The following OPCML variants were observed in gnomAD, a reference collection of about 807,000 sequenced individuals.
OPCML encodes opioid binding protein/cell adhesion molecule like.
Under a neutral mutation model 37.8 loss-of-function variants are expected in OPCML, and 13 were observed. The observed-to-expected ratio is 0.34, with a 90% CI of 0.22 to 0.55. The LOEUF (loss-of-function observed/expected upper bound fraction) is 0.55. OPCML is among the 20% of genes least tolerant of loss of function. The pLI is 0.91. For missense variants in OPCML, 341 were observed against 435.6 expected, an observed-to-expected ratio of 0.78 and a Z score of 1.93; for synonymous variants, 176 against 168.8, an observed-to-expected ratio of 1.04 and a Z score of -0.33.
intron 1 of OPCML, among the ~76,000 whole-genome samples, chr11:133,138,506 G>C (rs1196528822): frequency 1.3e-5 from 2 of 152,106 alleles, no homozygotes; most frequent in Admixed American, 6.5e-5. Context: ...CTCTGATTTG[G>C]AGCAAATTTC....
chr11:132,747,847 A>G (rs1407685677), intron 2 of OPCML, among the ~76,000 whole-genome samples: 1 of 152,078 alleles, frequency 6.6e-6, no homozygotes, highest in Non-Finnish European at 1.5e-5. Context: ...ATACTTAGAG[A>G]TGGGGGAGCG....
At chr11:132,499,727 T>C (rs528874884) in intron 4 of OPCML, among the ~76,000 whole-genome samples, 2 of 152,300 alleles carry the variant, frequency 1.3e-5, no homozygotes, top group South Asian at 4.2e-4. Flanking sequence ...AACTATGTCA[T>C]AGAGTTGTCC....
rs191568950 is a variant in OPCML at position 132,476,203 on chromosome 11, C to T, written c.506-38844G>A. ...TATAGCTTTTCTCAGCATTAAGCCA[C>T]CTTTAAAAAAGTGCTACTTCCCTTT... On this transcript the variant is annotated intron_variant, in intron 4 of 7. Transcript: ENST00000524381. Among the ~76,000 whole-genome samples the T allele has an allele frequency of 5.9e-5, 9 of 152,292 alleles. 1 individual carries two copies. The highest frequency in any genetic ancestry group is 1.3e-4 in the Admixed American group (2 of 15,302).
Position 132,644,000 on chromosome 11 carries a change from C to T in OPCML, c.379+13087G>A, listed in dbSNP as rs192746342. 5.3e-5 allele frequency among the ~76,000 whole-genome samples: 8 copies of T among 152,260 alleles called. No homozygotes were observed. In the East Asian group the frequency reaches 7.7e-4, roughly 15 times the overall value. ...GTGGTCGTCTGATCCCAGATCATTGCGGAGTTTTTAGAAAACACTCTAAGT... is the reference window on the plus strand; with the variant it reads ...GTGGTCGTCTGATCCCAGATCATTGTGGAGTTTTTAGAAAACACTCTAAGT... On this transcript the variant is annotated intron_variant, in intron 3 of 7. Transcript: ENST00000524381.
chr11:133,501,158 C>A (rs537453116), intron 1 of OPCML, among the ~76,000 whole-genome samples: 1 of 152,260 alleles, frequency 6.6e-6, no homozygotes, highest in South Asian at 2.1e-4. Context: ...AAGGGATCAC[C>A]GCAAACAGAA....
At chr11:133,448,161 T>C (rs1318421188) in intron 1 of OPCML, among the ~76,000 whole-genome samples, 1 of 152,266 alleles carries the variant, frequency 6.6e-6, no homozygotes, top group African/African-American at 2.4e-5. Context: ...AGAAGTTTTA[T>C]AGTTTTAACT....
At chr11:132,656,630 T>C (rs1941720817) in intron 3 of OPCML, among the ~76,000 whole-genome samples, 1 of 152,156 alleles carries the variant, frequency 6.6e-6, no homozygotes, top group Non-Finnish European at 1.5e-5. Flanking sequence ...TAAACAGCAC[T>C]CAGAGACCCC....
At chr11:133,256,160 A>C (rs1941307658) in intron 1 of OPCML, among the ~76,000 whole-genome samples, 1 of 152,196 alleles carries the variant, frequency 6.6e-6, no homozygotes. Context: ...GAGCATTGTA[A>C]GTATTTTTAG....
intron 1 of OPCML, among the ~76,000 whole-genome samples, chr11:133,521,417 G>A (rs1357656567): frequency 6.6e-6 from 1 of 152,170 alleles, no homozygotes; most frequent in Non-Finnish European, 1.5e-5. Context: ...AGTGAAAGAA[G>A]AAAAGAAACA....
chr11:132,780,096 C>G (rs1946950238), intron 2 of OPCML, among the ~76,000 whole-genome samples: 1 of 152,188 alleles, frequency 6.6e-6, no homozygotes, highest in Non-Finnish European at 1.5e-5. Flanking sequence ...CCAAACCTGT[C>G]ATCACAATCC....
chr11:132,932,151 G>A (rs1339234287), intron 2 of OPCML, among the ~76,000 whole-genome samples: 1 of 152,126 alleles, frequency 6.6e-6, no homozygotes, highest in Non-Finnish European at 1.5e-5. Context: ...GAAGCTGGGG[G>A]GAGGGAAGAA....
intron 2 of OPCML, among the ~76,000 whole-genome samples, chr11:132,746,422 A>G (rs924205192): frequency 6.6e-6 from 1 of 152,036 alleles, no homozygotes; most frequent in Admixed American, 6.6e-5. Flanking sequence ...CTGTGAGGAG[A>G]CACCACTCTC....
At chr11:132,852,630 G>GAAGAA (rs758826269) in intron 2 of OPCML, among the ~76,000 whole-genome samples, 4 of 152,022 alleles carry the variant, frequency 2.6e-5, no homozygotes, top group Non-Finnish European at 5.9e-5. Context: ...AAGAGAGAGA[G>GAAGAA]AAGAAAAGAA....
chr11:132,911,651 A>G (rs1448130388), intron 2 of OPCML, among the ~76,000 whole-genome samples: 1 of 152,182 alleles, frequency 6.6e-6, no homozygotes, highest in Non-Finnish European at 1.5e-5. Flanking sequence ...ACATGCACTG[A>G]GGGGACCCTT....
At chr11:132,852,814 T>C (rs575851690) in intron 2 of OPCML, among the ~76,000 whole-genome samples, 1 of 152,042 alleles carries the variant, frequency 6.6e-6, no homozygotes, top group Non-Finnish European at 1.5e-5. Flanking sequence ...GGTGGGTGTC[T>C]ACAGGTAGGC....
intron 1 of OPCML, among the ~76,000 whole-genome samples, chr11:133,509,049 A>G (rs929791432): frequency 6.6e-6 from 1 of 152,056 alleles, no homozygotes; most frequent in Non-Finnish European, 1.5e-5. Context: ...GAAGCACTGT[A>G]TTAATCTCCA....
intron 2 of OPCML, chr11:132,860,790 C>A: frequency 6.6e-6 from 1 of 152,158 alleles, no homozygotes; most frequent in Non-Finnish European, 1.5e-5. Flanking sequence ...ACTACCACCA[C>A]CCCACATAAA....
chr11:133,252,974 C>T (rs746678017), intron 1 of OPCML, among the ~76,000 whole-genome samples: 6 of 151,944 alleles, frequency 3.9e-5, no homozygotes, highest in Non-Finnish European at 7.4e-5. Flanking sequence ...GGTGAAACCC[C>T]GTCTCTACTA....
At chr11:133,308,364 A>G (rs1488030974) in intron 1 of OPCML, among the ~76,000 whole-genome samples, 1 of 152,154 alleles carries the variant, frequency 6.6e-6, no homozygotes, top group Non-Finnish European at 1.5e-5. Context: ...ACCTAACTTA[A>G]TATTAGGGTT....
Sources: gnomAD v4.1 joint callset for allele counts (sites outside exome capture counted in the v4.1 genomes callset) on GRCh38, gnomAD v4.1.1 for gene constraint, MANE v1.5 for transcripts, NCBI Gene and HGNC (gene_info 2026-07-23, HGNC 2026-07-21) for gene names.